Variants in SPRR4 observed in about 807,000 individuals in gnomAD.
SPRR4 encodes small proline rich protein 4, also known as small proline-rich protein 4.
For missense variants in SPRR4, 106 were observed against 91.6 expected, an observed-to-expected ratio of 1.16 and a Z score of -0.64; for synonymous variants, 30 against 34.3, an observed-to-expected ratio of 0.87 and a Z score of 0.44.
In SPRR4 at chr1:152,972,362, G is replaced by A; in HGVS notation, c.*232G>A. ...TGCTCTCCCAGGTGGGTGTGAGAGA[G>A]ACCTCATTCTCTGCAGGCTCCAGCG... On this transcript the variant is annotated 3_prime_UTR_variant, in exon 2 of 2. Coordinates refer to ENST00000328051, the MANE Select transcript of SPRR4 (RefSeq NM_173080.3). The A allele has an allele frequency of 1.6e-6, 1 of 644,044 alleles. No homozygotes were observed. Among genetic ancestry groups the A allele is most frequent in the South Asian group, 2.0e-5 (1 of 49,904 alleles). The allele number at this position is 644,044 out of a possible 1,614,324, so 39.9% of individuals were successfully genotyped here.
chr1:152,972,224 CCCTCCTCTCACATCT>C lies in SPRR4; in HGVS notation c.*101_*115del. The stretch of plus-strand genomic sequence containing the variant: ...CTCTTCCCTCCAGCTCTTGAGCCTA[CCCTCCTCTCACATCT>C]CCTCCTGCCCAAGATGTAAGGAAGC... On this transcript the variant is annotated 3_prime_UTR_variant, in exon 2 of 2. Coordinates refer to ENST00000328051, the MANE Select transcript of SPRR4 (RefSeq NM_173080.3). The C allele has an allele frequency of 6.5e-7, 1 of 1,538,444 alleles. No homozygotes were observed. The highest frequency in any genetic ancestry group is 1.7e-4 in the Middle Eastern group (1 of 5,822).
upstream of SPRR4, among the ~76,000 whole-genome samples, chr1:152,968,794 AC>A (rs1388875773): frequency 4.6e-5 from 7 of 152,258 alleles, no homozygotes; most frequent in Non-Finnish European, 8.8e-5. Flanking sequence ...CACATGGGTG[AC>A]TGGGACATGA....
At chr1:152,968,976 T>C (rs1651755961), upstream of SPRR4, among the ~76,000 whole-genome samples, 1 of 152,142 alleles carries the variant, frequency 6.6e-6, no homozygotes, top group African/African-American at 2.4e-5. Flanking sequence ...TATGTGGAAG[T>C]GAGGGCTGCA....
In SPRR4 at chr1:152,972,331, C is replaced by A. The variant is rs1294525118; in HGVS notation, c.*201C>A. On this transcript the variant is annotated 3_prime_UTR_variant, in exon 2 of 2. Transcript: ENST00000328051. Reference sequence around the variant, plus strand: ...CCACCTTGGCTTCTTCTATATCCCACCCCGATGCTCTCCCAGGTGGGTGTG... The same window carrying A: ...CCACCTTGGCTTCTTCTATATCCCAACCCGATGCTCTCCCAGGTGGGTGTG... 3.7e-6 allele frequency: 3 copies of A among 818,442 alleles called. No individual in the cohort carries two copies. Among genetic ancestry groups the A allele is most frequent in the Non-Finnish European group, 3.8e-6 (2 of 526,474 alleles). The allele number at this position is 818,442 out of a possible 1,614,324, so 50.7% of individuals were successfully genotyped here. A position where few individuals can be genotyped will look rare whatever the true frequency, so the allele number is the denominator to read the frequency against.
upstream of SPRR4, among the ~76,000 whole-genome samples, chr1:152,969,398 G>C (rs370492010): frequency 5.3e-5 from 8 of 152,198 alleles, no homozygotes; most frequent in South Asian, 6.2e-4. Context: ...AATGAGGTGA[G>C]GGATTTGAAA....
Position 152,972,382 on chromosome 1 carries a change from C to T in SPRR4, c.*252C>T, listed in dbSNP as rs1359367691. The T allele has an allele frequency of 1.8e-6, 1 of 567,122 alleles. No individual in the cohort carries two copies. The highest frequency in any genetic ancestry group is 3.4e-5 in the East Asian group (1 of 29,814). 35.1% of individuals were successfully genotyped at this position (567,122 alleles called of 1,614,324 possible). On this transcript the variant is annotated 3_prime_UTR_variant, in exon 2 of 2. Transcript: ENST00000328051. ...AGAGAGACCTCATTCTCTGCAGGCT[C>T]CAGCGTGGCCACAGCTAAGGCCCAT...
In SPRR4 at chr1:152,972,374, T is replaced by C; in HGVS notation, c.*244T>C. 1.7e-6 allele frequency: 1 copy of C among 596,874 alleles called. No individual in the cohort carries two copies. The highest frequency in any genetic ancestry group is 3.0e-6 in the Non-Finnish European group (1 of 338,904). 37.0% of individuals were successfully genotyped at this position (596,874 alleles called of 1,614,324 possible). On this transcript the variant is annotated 3_prime_UTR_variant, in exon 2 of 2. Coordinates refer to ENST00000328051, the MANE Select transcript of SPRR4 (RefSeq NM_173080.3). ...TGGGTGTGAGAGAGACCTCATTCTC[T>C]GCAGGCTCCAGCGTGGCCACAGCTA...
chr1:152,972,430 T>C lies in SPRR4; in HGVS notation c.*300T>C, dbSNP rs910134427. 10 of 417,138 alleles carry C rather than the reference T, an allele frequency of 2.4e-5. No homozygotes were observed. Among genetic ancestry groups the C allele is most frequent in the East Asian group, 9.8e-5 (2 of 20,426 alleles). The allele number at this position is 417,138 out of a possible 1,614,324, so 25.8% of individuals were successfully genotyped here. A position where few individuals can be genotyped will look rare whatever the true frequency, so the allele number is the denominator to read the frequency against. On this transcript the variant is annotated 3_prime_UTR_variant, in exon 2 of 2. Coordinates refer to ENST00000328051, the MANE Select transcript of SPRR4 (RefSeq NM_173080.3). ...CATCCATTTCCCAAAGTGAGGAAAG[T>C]GTCTGGGCTTCTTCTGGGGTTCCAC...
chr1:152,971,834 C>T, intron 1 of SPRR4, 37 bp from the exon 2 acceptor site: 1 of 1,596,460 alleles, frequency 6.3e-7, no homozygotes, highest in Non-Finnish European at 8.5e-7. Flanking sequence ...TACTTTTTAA[C>T]ACCCTTCTCA....
upstream of SPRR4, among the ~76,000 whole-genome samples, chr1:152,969,577 C>T (rs1230557163): frequency 6.6e-6 from 1 of 152,102 alleles, no homozygotes; most frequent in African/African-American, 2.4e-5. Context: ...AGAGGCCCTG[C>T]CTTTCTCCAT....
Position 152,971,956 on chromosome 1 carries a change from A to G in SPRR4, c.66A>G (p.Gln22=). The part of the protein sequence containing the change: ...QCPPQRAQQQ[Q]VKQPCQPPPV... ...CACCCCAGAGGGCCCAGCAGCAGCA[A>G]GTGAAGCAGCCTTGTCAGCCACCCC... The change falls in exon 2 of 2, where the codon CAA becomes CAG. Residue 22 remains glutamine, a synonymous_variant. Coordinates refer to ENST00000328051, the MANE Select transcript of SPRR4 (RefSeq NM_173080.3). 1 of 1,614,074 alleles carries G rather than the reference A, an allele frequency of 6.2e-7. No individual in the cohort carries two copies.
chr1:152,970,257 C>T (rs1214105026), upstream of SPRR4, among the ~76,000 whole-genome samples: 1 of 152,176 alleles, frequency 6.6e-6, no homozygotes, highest in South Asian at 2.1e-4. Flanking sequence ...CAAGAAATGG[C>T]AGCAATTTGC....
chr1:152,969,866 GT>G (rs1365925857), upstream of SPRR4, among the ~76,000 whole-genome samples: 4 of 152,164 alleles, frequency 2.6e-5, no homozygotes, highest in Non-Finnish European at 5.9e-5. Flanking sequence ...CCCATGTTCT[GT>G]AACCACCACG....
chr1:152,971,786 AC>A, intron 1 of SPRR4, 84 bp from the exon 2 acceptor site: 1 of 1,515,190 alleles, frequency 6.6e-7, no homozygotes, highest in East Asian at 2.3e-5. Context: ...TGTCTGGGCT[AC>A]TTTTTAACCA....
Position 152,971,875 on chromosome 1 carries a change from A to G in SPRR4, c.-16A>G, listed in dbSNP as rs12071966. The G allele has an allele frequency of 2.9e-3, 4,732 of 1,613,804 alleles. 108 individuals carry two copies. In the African/African-American group the frequency reaches 0.049, roughly 17 times the overall value. On this transcript the variant is annotated 5_prime_UTR_variant, in exon 2 of 2. Transcript: ENST00000328051. ...TCCCTGCCCGGTTTCCTTTAGGCTC[A>G]CCTGTTCCTAGAGCAATGTCTTCCC...
upstream of SPRR4, among the ~76,000 whole-genome samples, chr1:152,968,804 G>A (rs1651747821): frequency 6.6e-6 from 1 of 152,246 alleles, no homozygotes; most frequent in African/African-American, 2.4e-5. Flanking sequence ...ACTGGGACAT[G>A]AGGGATGGAG....
rs1371458013 is a variant in SPRR4 at position 152,972,266 on chromosome 1, T to A, written c.*136T>A. On this transcript the variant is annotated 3_prime_UTR_variant, in exon 2 of 2. Transcript: ENST00000328051. ...CTCCTGCCCAAGATGTAAGGAAGCA[T>A]TGTAAGGATTTCTTCCCATCGTACC... is the stretch of plus-strand genomic sequence containing the variant. 1 of 1,389,330 alleles carries A rather than the reference T, an allele frequency of 7.2e-7. No homozygotes were observed. The highest frequency in any genetic ancestry group is 9.7e-7 in the Non-Finnish European group (1 of 1,027,158). The allele number at this position is 1,389,330 out of a possible 1,614,324, so 86.1% of individuals were successfully genotyped here.
At position 152,972,220 on chromosome 1, in the gene SPRR4, C is replaced by A; in HGVS notation, c.*90C>A. 4 of 1,546,936 alleles carry A rather than the reference C, an allele frequency of 2.6e-6. No individual in the cohort carries two copies. The highest frequency in any genetic ancestry group is 1.2e-5 in the South Asian group (1 of 81,214). On this transcript the variant is annotated 3_prime_UTR_variant, in exon 2 of 2. Coordinates refer to ENST00000328051, the MANE Select transcript of SPRR4 (RefSeq NM_173080.3). Reference sequence around the variant, plus strand: ...TCTCCTCTTCCCTCCAGCTCTTGAGCCTACCCTCCTCTCACATCTCCTCCT... The same window carrying A: ...TCTCCTCTTCCCTCCAGCTCTTGAGACTACCCTCCTCTCACATCTCCTCCT...
chr1:152,971,586 A>T (rs976109024), intron 1 of SPRR4, among the ~76,000 whole-genome samples: 19 of 147,782 alleles, frequency 1.3e-4, no homozygotes, highest in African/African-American at 3.5e-4. Context: ...TCTCACACAC[A>T]CACACACACA....
Sources: allele counts gnomAD v4.1 joint callset (sites outside exome capture counted in the v4.1 genomes callset), GRCh38; gene constraint gnomAD v4.1.1; transcripts MANE v1.5; gene names NCBI Gene and HGNC (gene_info 2026-07-23, HGNC 2026-07-21).